Variants in PTPRN2 observed in about 807,000 individuals in gnomAD.
PTPRN2 encodes the protein protein tyrosine phosphatase receptor type N2, also known as receptor-type tyrosine-protein phosphatase N2.
Under a neutral mutation model 118.8 loss-of-function variants are expected in PTPRN2, and 74 were observed. The observed-to-expected ratio is 0.62, with a 90% CI of 0.52 to 0.76. The LOEUF (loss-of-function observed/expected upper bound fraction) is 0.76, where lower values mean the gene tolerates loss of function less well. Among genes scored for constraint, PTPRN2 ranks in the 30% least tolerant of loss-of-function variants. PTPRN2 has a pLI of 0.00. For missense variants in PTPRN2, 1,481 were observed against 1,394.4 expected, an observed-to-expected ratio of 1.06 and a Z score of -0.99; for synonymous variants, 641 against 608.0, an observed-to-expected ratio of 1.05 and a Z score of -0.80.
chr7:157,989,279 C>T (rs1449233307), intron 11 of PTPRN2, among the ~76,000 whole-genome samples: 4 of 152,052 alleles, frequency 2.6e-5, no homozygotes, highest in African/African-American at 9.7e-5. Context: ...TTAAGCTAGG[C>T]GTGGTGGCGC....
At chr7:157,792,738 G>A (rs1804595673) in intron 12 of PTPRN2, among the ~76,000 whole-genome samples, 3 of 152,200 alleles carry the variant, frequency 2.0e-5, no homozygotes, top group South Asian at 4.1e-4. Context: ...GCCCGCAGAT[G>A]GGCCACCCGG....
At chr7:158,158,473 G>A (rs1234592723) in intron 6 of PTPRN2, among the ~76,000 whole-genome samples, 1 of 96,662 alleles carries the variant, frequency 1.0e-5, no homozygotes. Flanking sequence ...TTGGATGAGG[G>A]GAGAGAACTG....
chr7:158,336,319 A>C (rs1163751955), intron 2 of PTPRN2, among the ~76,000 whole-genome samples: 4 of 142,234 alleles, frequency 2.8e-5, no homozygotes, highest in Non-Finnish European at 6.1e-5. Context: ...CACTCTCACC[A>C]TAAGAGGTGA....
intron 13 of PTPRN2, among the ~76,000 whole-genome samples, chr7:157,667,587 T>A (rs922034353): frequency 1.3e-5 from 2 of 152,196 alleles, no homozygotes; most frequent in African/African-American, 4.8e-5. Flanking sequence ...GGCCACTCTG[T>A]CCTGCTGATG....
At chr7:158,582,796 C>CAAAAAAAAAAAAAAAAAAAAAA (rs1156687117) in intron 1 of PTPRN2, among the ~76,000 whole-genome samples, 1 of 44,296 alleles carries the variant, frequency 2.3e-5, no homozygotes, top group Non-Finnish European at 4.2e-5. Flanking sequence ...GACTCCATCT[C>CAAAAAAAAAAAAAAAAAAAAAA]AAAAAAAAAA....
chr7:158,125,008 G>C (rs1191397474), intron 9 of PTPRN2, among the ~76,000 whole-genome samples: 2 of 152,226 alleles, frequency 1.3e-5, no homozygotes, highest in African/African-American at 4.8e-5. Context: ...GAAGGGAAGA[G>C]GGGAGAAGGG....
intron 13 of PTPRN2, among the ~76,000 whole-genome samples, 183 bp downstream of exon 13, chr7:157,682,542 A>G (rs1796962774): frequency 2.0e-5 from 3 of 152,222 alleles, no homozygotes; most frequent in Non-Finnish European, 4.4e-5. Context: ...GAGCTGCACA[A>G]CTGTGGCTGC....
chr7:158,341,116 C>CAA (rs1491341764), intron 2 of PTPRN2, among the ~76,000 whole-genome samples: 110 of 32,888 alleles, frequency 3.3e-3, no homozygotes, highest in Middle Eastern at 0.011. Context: ...CACTCACACC[C>CAA]ACACGTCACT....
At chr7:157,554,717 C>T (rs1585023457) in intron 21 of PTPRN2, among the ~76,000 whole-genome samples, 1 of 152,184 alleles carries the variant, frequency 6.6e-6, no homozygotes, top group South Asian at 2.1e-4. Context: ...TCAGCGCACA[C>T]ACAAAGAAAA....
At position 157,874,628 on chromosome 7, in the gene PTPRN2, G is replaced by C. The variant is rs116102648; in HGVS notation, c.1788+24045C>G. ...TCCCGGGGTCCGGGGAGAAGCGGAG[G>C]GGGGCAGAGAAGGCCGTGCCACCCA... On this transcript the variant is annotated intron_variant, in intron 12 of 22. Coordinates refer to ENST00000389418, the MANE Select transcript of PTPRN2 (RefSeq NM_002847.5). The surrounding 1 kb of genome is among the most constrained non-coding windows in gnomAD (Gnocchi z 5.8). Among the ~76,000 whole-genome samples, 3,647 of 152,312 alleles carry C rather than the reference G, an allele frequency of 0.024. 154 individuals carry two copies. Among genetic ancestry groups the C allele is most frequent in the African/African-American group, 0.082 (3,397 of 41,558 alleles).
At chr7:157,748,043 G>T (rs1419439764) in intron 12 of PTPRN2, among the ~76,000 whole-genome samples, 11 of 129,898 alleles carry the variant, frequency 8.5e-5, no homozygotes, top group South Asian at 2.6e-4. Flanking sequence ...TGAGCTCTGG[G>T]CTGTCCGGGT....
At chr7:157,644,044 G>C (rs933068372) in intron 14 of PTPRN2, among the ~76,000 whole-genome samples, 1 of 152,186 alleles carries the variant, frequency 6.6e-6, no homozygotes, top group Non-Finnish European at 1.5e-5. Flanking sequence ...ATCAGGCGTC[G>C]GTCCCTGTTA....
chr7:158,148,490 C>T (rs1238471989), intron 6 of PTPRN2, among the ~76,000 whole-genome samples: 4 of 137,378 alleles, frequency 2.9e-5, no homozygotes, highest in East Asian at 4.3e-4. Context: ...CCCCATCTCA[C>T]GCCACGTGTC....
intron 3 of PTPRN2, among the ~76,000 whole-genome samples, chr7:158,282,456 G>C (rs963847966): frequency 3.3e-5 from 5 of 152,196 alleles, no homozygotes; most frequent in Non-Finnish European, 7.3e-5. Context: ...TCAGGAGTCT[G>C]GCCTGGCTCA....
intron 11 of PTPRN2, among the ~76,000 whole-genome samples, chr7:157,966,177 C>A: frequency 6.6e-6 from 1 of 152,106 alleles, no homozygotes; most frequent in Non-Finnish European, 1.5e-5. Flanking sequence ...AAAACATGTT[C>A]TAGGCTGGTG....
chr7:157,946,535 A>G (rs1800500877), intron 11 of PTPRN2, among the ~76,000 whole-genome samples: 1 of 152,216 alleles, frequency 6.6e-6, no homozygotes, highest in Admixed American at 6.5e-5. Flanking sequence ...GTGAAGGCCC[A>G]CAGCAGCTCC....
intron 12 of PTPRN2, among the ~76,000 whole-genome samples, chr7:157,871,774 C>T (rs959065059): frequency 1.6e-4 from 25 of 151,568 alleles, no homozygotes; most frequent in African/African-American, 6.1e-4. Context: ...TACACACACA[C>T]ACACAGACCC....
At chr7:157,905,645 T>C (rs1022106317) in intron 11 of PTPRN2, among the ~76,000 whole-genome samples, 2 of 152,248 alleles carry the variant, frequency 1.3e-5, no homozygotes, top group Non-Finnish European at 2.9e-5. Context: ...TTCCATATAA[T>C]TAAGCAGGCA....
intron 2 of PTPRN2, among the ~76,000 whole-genome samples, chr7:158,448,892 A>G (rs1260543221): frequency 1.3e-5 from 2 of 152,198 alleles, no homozygotes; most frequent in Non-Finnish European, 2.9e-5. Context: ...GATGCCACAT[A>G]TCTGTGGGGA....
Sources: allele counts gnomAD v4.1 joint callset (sites outside exome capture counted in the v4.1 genomes callset), GRCh38; gene constraint gnomAD v4.1.1; non-coding constraint Gnocchi (gnomAD v3.1); transcripts MANE v1.5; gene names NCBI Gene and HGNC (gene_info 2026-07-23, HGNC 2026-07-21).